Variants in CXCL3 observed in about 807,000 individuals in gnomAD.
CXCL3 encodes C-X-C motif chemokine 3.
CXCL3 carries 10 observed loss-of-function variants against 11.5 expected under a neutral mutation model. The observed-to-expected ratio is 0.87, with a 90% CI of 0.54 to 1.48. The LOEUF is 1.48. Ranked by LOEUF, CXCL3 falls within the 40% of genes most tolerant of loss-of-function variation. The probability of loss-of-function intolerance (pLI) is 0.00; values close to 1 mark genes in which losing one functional copy is unlikely to be tolerated. For missense variants in CXCL3, 149 were observed against 139.1 expected, an observed-to-expected ratio of 1.07 and a Z score of -0.36; for synonymous variants, 61 against 60.9, an observed-to-expected ratio of 1.00 and a Z score of -0.01.
At chr4:74,038,062 G>T in intron 3 of CXCL3, 31 bp downstream of exon 3, 1 of 1,610,652 alleles carries the variant, frequency 6.2e-7, no homozygotes, top group Admixed American at 1.7e-5. Context: ...AACGGCTCCA[G>T]TCGCCTGTGT....
intron 3 of CXCL3, 57 bp downstream of exon 3, chr4:74,038,036 G>A (rs1720033344): frequency 1.9e-6 from 3 of 1,549,500 alleles, no homozygotes; most frequent in Admixed American, 3.4e-5. Flanking sequence ...GGGGGCAGAT[G>A]CCAGTATTTC....
chr4:74,038,355 G>A lies in CXCL3; in HGVS notation c.159C>T (p.His53=). The A allele has an allele frequency of 6.2e-7, 1 of 1,614,204 alleles. No homozygotes were observed. Among genetic ancestry groups the A allele is most frequent in the South Asian group, 1.1e-5 (1 of 91,090 alleles). Residue 53 remains histidine (H), a synonymous_variant, in exon 2 of 4, where the codon CAC becomes CAT. Transcript: ENST00000296026. ...CQCLQTLQGI[H]LKNIQSVNVR... The stretch of plus-strand genomic sequence containing the variant: ...CATTCACACTTTGGATGTTCTTGAG[G>A]TGAATTCCCTGCAGTGTCTGCAAGC...
chr4:74,038,673 T>C lies in CXCL3; in HGVS notation c.-62A>G. The C allele has an allele frequency of 7.3e-7, 1 of 1,370,680 alleles. No homozygotes were observed. Among genetic ancestry groups the C allele is most frequent in the Non-Finnish European group, 9.4e-7 (1 of 1,068,848 alleles). The allele number at this position is 1,370,680 out of a possible 1,614,324, so 84.9% of individuals were successfully genotyped here. Reference sequence around the variant, plus strand: ...GCGGGAGAGCTGGCGGGGAGGTGCCTGCGACCCGGGCTGTGTGGCTCCCCA... The same window carrying C: ...GCGGGAGAGCTGGCGGGGAGGTGCCCGCGACCCGGGCTGTGTGGCTCCCCA... On this transcript the variant is annotated 5_prime_UTR_variant, in exon 1 of 4. Coordinates refer to ENST00000296026, the MANE Select transcript of CXCL3 (RefSeq NM_002090.3).
At position 74,037,253 on chromosome 4, in the gene CXCL3, T is replaced by A. The variant is rs995321890; in HGVS notation, c.*9A>T. 1 of 1,613,936 alleles carries A rather than the reference T, an allele frequency of 6.2e-7. No homozygotes were observed. Among genetic ancestry groups the A allele is most frequent in the Non-Finnish European group, 8.5e-7 (1 of 1,179,970 alleles). On this transcript the variant is annotated 3_prime_UTR_variant, in exon 4 of 4. Transcript: ENST00000296026. ...ATGATACGCTGATAAGCTTCTTACT[T>A]CTCTCCTGTCAGTTGGTGCTCCCCC...
rs780096891 is a variant in CXCL3 at position 74,037,277 on chromosome 4, C to T, written c.309G>A (p.Lys103=). The T allele has an allele frequency of 1.2e-6, 2 of 1,613,928 alleles. No individual in the cohort carries two copies. Among genetic ancestry groups the T allele is most frequent in the Non-Finnish European group, 1.7e-6 (2 of 1,179,942 alleles). ...TTCTCTCCTGTCAGTTGGTGCTCCC[C>T]CTGTGATGAGAAAAGGGTTACTGTT... ...VQKIIEKILN[K]GSTN is the part of the protein sequence containing the mutation. The change falls in exon 4 of 4, where the codon AAG becomes AAA. Residue 103 remains lysine, a splice_region_variant and synonymous_variant. Coordinates refer to ENST00000296026, the MANE Select transcript of CXCL3 (RefSeq NM_002090.3).
Position 74,038,562 on chromosome 4 carries a change from C to G in CXCL3, c.50G>C (p.Arg17Pro). 2 of 1,490,590 alleles carry G rather than the reference C, an allele frequency of 1.3e-6. No individual in the cohort carries two copies. The highest frequency in any genetic ancestry group is 1.8e-6 in the Non-Finnish European group (2 of 1,121,696). 92.3% of individuals were successfully genotyped at this position (1,490,590 alleles called of 1,614,324 possible). A position where few individuals can be genotyped will look rare whatever the true frequency, so the allele number is the denominator to read the frequency against. Reference protein sequence around the residue: ...SAAPSNPRLLRVALLLLLLVA... With the variant: ...SAAPSNPRLLPVALLLLLLVA... The stretch of plus-strand genomic sequence containing the variant: ...CAGGAGCAGGAGCAGCAGCGCCACC[C>G]GCAGGAGCCGGGGATTGCTGGGGGC... The change falls in exon 1 of 4, where the codon CGG becomes CCG. Residue 17 changes from arginine to proline, a missense_variant. Physicochemically the swap from Arg to Pro is moderately radical, Grantham distance 103. Transcript: ENST00000296026.
At position 74,038,538 on chromosome 4, in the gene CXCL3, A is replaced by G. The variant is rs1030785182; in HGVS notation, c.74T>C (p.Leu25Pro). ...TGCTGCGCGCCGGCTGGCGGCCACC[A>G]GGAGCAGGAGCAGCAGCGCCACCCG... Reference protein sequence around the residue: ...LLRVALLLLLLVAASRRAAGA... With the variant: ...LLRVALLLLLPVAASRRAAGA... The change falls in exon 1 of 4, where the codon CTG (leucine) becomes CCG (proline). Residue 25 changes from leucine to proline, a missense_variant. Coordinates refer to ENST00000296026, the MANE Select transcript of CXCL3 (RefSeq NM_002090.3). 6.7e-7 allele frequency: 1 copy of G among 1,486,026 alleles called. No individual in the cohort carries two copies. The highest frequency in any genetic ancestry group is 8.9e-7 in the Non-Finnish European group (1 of 1,120,470). The allele number at this position is 1,486,026 out of a possible 1,614,324, so 92.1% of individuals were successfully genotyped here.
At chr4:74,037,571 C>T (rs1301175116) in intron 3 of CXCL3, 2 of 431,732 alleles carry the variant, frequency 4.6e-6, no homozygotes, top group African/African-American at 2.0e-5. Context: ...CATGATCTCC[C>T]TTAAGCTGCA....
At chr4:74,037,371 C>A in intron 3 of CXCL3, 94 bp from the exon 4 acceptor site, 1 of 1,468,404 alleles carries the variant, frequency 6.8e-7, no homozygotes, top group Non-Finnish European at 9.5e-7. Flanking sequence ...CATGCAGACT[C>A]TCTCCCAGCC....
At position 74,038,406 on chromosome 4, in the gene CXCL3, G is replaced by A. The variant is rs559192926; in HGVS notation, c.108C>T (p.Ser36=). ...ACTGGCAGCGCAGTTCAGTGACCAC[G>A]GACGCTCCTAGGGAAGAATAGACTC... is the stretch of plus-strand genomic sequence containing the variant. The part of the protein sequence containing the change: ...VAASRRAAGA[S]VVTELRCQCL... Residue 36 remains serine, a synonymous_variant, in exon 2 of 4, where the codon TCC becomes TCT. Transcript: ENST00000296026. 25 of 1,614,034 alleles carry A rather than the reference G, an allele frequency of 1.5e-5. No homozygotes were observed. The Admixed American group carries it at 2.5e-4, about 16-fold the overall frequency.
Position 74,037,089 on chromosome 4 carries a change from A to C in CXCL3, c.*173T>G. 1.6e-6 allele frequency: 1 copy of C among 608,640 alleles called. No homozygotes were observed. The highest frequency in any genetic ancestry group is 2.9e-5 in the East Asian group (1 of 34,950). 37.7% of individuals were successfully genotyped at this position (608,640 alleles called of 1,614,324 possible). A position where few individuals can be genotyped will look rare whatever the true frequency, so the allele number is the denominator to read the frequency against. On this transcript the variant is annotated 3_prime_UTR_variant, in exon 4 of 4. Transcript: ENST00000296026. ...AATATTAAAATACAAGCTTTCAAAA[A>C]TAAATACATAAATAAGTAGAACCCT...
chr4:74,038,289 C>T lies in CXCL3; in HGVS notation c.224+1G>A, dbSNP rs1458759377. 1.2e-6 allele frequency: 2 copies of T among 1,614,048 alleles called. No individual in the cohort carries two copies. Among genetic ancestry groups the T allele is most frequent in the East Asian group, 2.2e-5 (1 of 44,862 alleles). Reference sequence around the variant, plus strand: ...CAGCGGAAGCGCGGGGCGGGACTTACATGACTTCGGTTTGGGCGCAGTGGG... The same window carrying T: ...CAGCGGAAGCGCGGGGCGGGACTTATATGACTTCGGTTTGGGCGCAGTGGG... On this transcript the variant is annotated splice_donor_variant, in intron 2 of 3. Transcript: ENST00000296026. LOFTEE classifies it high-confidence loss of function.
At chr4:74,037,435 G>A in intron 3 of CXCL3, 158 bp from the exon 4 acceptor site, 1 of 522,498 alleles carries the variant, frequency 1.9e-6, no homozygotes, top group Non-Finnish European at 3.2e-6. Context: ...CAGAAAACTT[G>A]CACTCCTGAA....
In CXCL3 at chr4:74,038,186, G is replaced by A. The variant is rs1421091616; in HGVS notation, c.225-10C>T. 7 of 1,614,046 alleles carry A rather than the reference G, an allele frequency of 4.3e-6. No homozygotes were observed. The highest frequency in any genetic ancestry group is 5.9e-6 in the Non-Finnish European group (7 of 1,179,980). ...ATTCTTGAGTGTGGCTCTGCAGAGA[G>A]AAGGGAATTCCGTGAGACAGGAGGT... On this transcript the variant is annotated splice_polypyrimidine_tract_variant and intron_variant, in intron 2 of 3. Transcript: ENST00000296026.
rs185155671 is a variant in CXCL3, at chr4:74,037,227, A to G, written c.*35T>C. 712 of 1,613,842 alleles carry G rather than the reference A, an allele frequency of 4.4e-4. 1 individual carries two copies. The highest frequency in any genetic ancestry group is 5.5e-4 in the Non-Finnish European group (653 of 1,179,802). ...CAGGGACCACCCTGCAGGAAGTGTC[A>G]ATGATACGCTGATAAGCTTCTTACT... On this transcript the variant is annotated 3_prime_UTR_variant, in exon 4 of 4. Coordinates refer to ENST00000296026, the MANE Select transcript of CXCL3 (RefSeq NM_002090.3).
In CXCL3 at chr4:74,038,417, G is replaced by C; in HGVS notation, c.101-4C>G. 3 of 1,612,562 alleles carry C rather than the reference G, an allele frequency of 1.9e-6. No homozygotes were observed. The highest frequency in any genetic ancestry group is 2.5e-6 in the Non-Finnish European group (3 of 1,179,374). On this transcript the variant is annotated splice_polypyrimidine_tract_variant and splice_region_variant and intron_variant, in intron 1 of 3. Coordinates refer to ENST00000296026, the MANE Select transcript of CXCL3 (RefSeq NM_002090.3). ...AGTTCAGTGACCACGGACGCTCCTAGGGAAGAATAGACTCGCTGATTGAGC... is the reference window on the plus strand; with the variant it reads ...AGTTCAGTGACCACGGACGCTCCTACGGAAGAATAGACTCGCTGATTGAGC...
In CXCL3 at chr4:74,036,632, G is replaced by T. The variant is rs200713242; in HGVS notation, c.*630C>A. On this transcript the variant is annotated 3_prime_UTR_variant, in exon 4 of 4. Coordinates refer to ENST00000296026, the MANE Select transcript of CXCL3 (RefSeq NM_002090.3). Reference sequence around the variant, plus strand: ...TTATTATCATGTCATTTGTACAAATGTAACAGTAATGATAAATTCTCTTTT... The same window carrying T: ...TTATTATCATGTCATTTGTACAAATTTAACAGTAATGATAAATTCTCTTTT... 2.0e-5 allele frequency: 3 copies of T among 152,028 alleles called. No individual in the cohort carries two copies. Among genetic ancestry groups the T allele is most frequent in the African/African-American group, 4.8e-5 (2 of 41,364 alleles). 9.4% of individuals were successfully genotyped at this position (152,028 alleles called of 1,614,324 possible).
Position 74,037,242 on chromosome 4 carries a change from A to C in CXCL3, c.*20T>G, listed in dbSNP as rs200096542. Reference sequence around the variant, plus strand: ...AGGAAGTGTCAATGATACGCTGATAAGCTTCTTACTTCTCTCCTGTCAGTT... The same window carrying C: ...AGGAAGTGTCAATGATACGCTGATACGCTTCTTACTTCTCTCCTGTCAGTT... On this transcript the variant is annotated 3_prime_UTR_variant, in exon 4 of 4. Coordinates refer to ENST00000296026, the MANE Select transcript of CXCL3 (RefSeq NM_002090.3). The C allele has an allele frequency of 2.5e-6, 4 of 1,613,890 alleles. No homozygotes were observed. Among genetic ancestry groups the C allele is most frequent in the Admixed American group, 1.7e-5 (1 of 59,984 alleles).
In CXCL3 at chr4:74,038,616, C is replaced by A. The variant is rs1228948176; in HGVS notation, c.-5G>T. On this transcript the variant is annotated 5_prime_UTR_variant, in exon 1 of 4. Transcript: ENST00000296026. The stretch of plus-strand genomic sequence containing the variant: ...GGAGAGCGTGGCGTGGGCCATGGGG[C>A]TCAGCAGACGCGTCGGGAAGCTGTG... The A allele has an allele frequency of 8.3e-6, 12 of 1,454,152 alleles. No homozygotes were observed. Among genetic ancestry groups the A allele is most frequent in the Non-Finnish European group, 2.7e-6 (3 of 1,108,526 alleles). The allele number at this position is 1,454,152 out of a possible 1,614,324, so 90.1% of individuals were successfully genotyped here.
Sources: gnomAD v4.1 joint callset for allele counts on GRCh38, gnomAD v4.1.1 for gene constraint, MANE v1.5 for transcripts, NCBI Gene and HGNC (gene_info 2026-07-23, HGNC 2026-07-21) for gene names.